Variants in MUC6 observed in about 807,000 individuals in gnomAD.
MUC6 encodes mucin-6.
In MUC6, 188 loss-of-function variants were observed where a neutral mutation model predicts 201.5. That is an observed-to-expected ratio of 0.93 (90% CI 0.83 to 1.05). The LOEUF (loss-of-function observed/expected upper bound fraction) is 1.05. MUC6 is among the 50% of genes least tolerant of loss of function. The probability of loss-of-function intolerance (pLI) is 0.00; values close to 1 mark genes in which losing one functional copy is unlikely to be tolerated. For synonymous variants in MUC6, 1,228 were observed against 1,389.4 expected (o/e 0.88, Z 2.58); for missense variants, 2,706 against 3,256.9 (o/e 0.83, Z 4.12).
chr11:1,025,828 G>A lies in MUC6; in HGVS notation c.2776C>T (p.Arg926Trp), dbSNP rs764252938. ...ICGNSGVTCS[R>W]AIKIFLGGLS... ...ACCCCCAGGAAGATCTTGATGGCCC[G>A]TGAGCATGTGACCCCGGAGTTCCCA... The change falls in exon 22 of 33, where the codon CGG becomes TGG. Residue 926 changes from arginine (R) to tryptophan (W), a missense_variant. Coordinates refer to ENST00000421673, the MANE Select transcript of MUC6 (RefSeq NM_005961.3). 5.6e-6 allele frequency: 9 copies of A among 1,612,530 alleles called. No individual in the cohort carries two copies. Among genetic ancestry groups the A allele is most frequent in the East Asian group, 2.2e-5 (1 of 44,870 alleles).
intron 25 of MUC6, 139 bp downstream of exon 25, chr11:1,023,807 AG>A (rs1856882790): frequency 7.0e-7 from 1 of 1,437,198 alleles, no homozygotes; most frequent in Non-Finnish European, 9.3e-7. Context: ...GGGCTGCGGG[AG>A]GGCCAGGGTG....
intron 2 of MUC6, 113 bp from the exon 3 acceptor site, chr11:1,032,166 G>A: frequency 7.1e-7 from 1 of 1,412,616 alleles, no homozygotes; most frequent in South Asian, 1.4e-5. Flanking sequence ...TTGAGTTGGG[G>A]CCAGGCTGTG....
intron 8 of MUC6, 70 bp from the exon 9 acceptor site, chr11:1,029,685 G>A: frequency 6.7e-7 from 1 of 1,494,384 alleles, no homozygotes; most frequent in Non-Finnish European, 8.9e-7. Context: ...CCTGGCTCCA[G>A]GGAGACGCCC....
chr11:1,031,409 G>T, intron 4 of MUC6, 150 bp from the exon 5 acceptor site: 1 of 1,175,000 alleles, frequency 8.5e-7, no homozygotes, highest in Non-Finnish European at 1.2e-6. Flanking sequence ...ATTTTCCAGT[G>T]GAGAAGCCGA....
rs1436112636 is a variant in MUC6 at position 1,013,605 on chromosome 11, C to T, written c.7171G>A (p.Ala2391Thr). 3.2e-6 allele frequency: 5 copies of T among 1,565,356 alleles called. No homozygotes were observed. In the African/African-American group the frequency reaches 6.8e-5, roughly 21 times the overall value. Residue 2391 changes from alanine (A) to threonine (T), a missense_variant, in exon 33 of 33, where the codon GCC (alanine) becomes ACC (threonine). Around this residue, in one of 10 missense-constraint regions of MUC6, gnomAD observed 586 missense variants for 488.0 expected, o/e 1.20. Coordinates refer to ENST00000421673, the MANE Select transcript of MUC6 (RefSeq NM_005961.3). ...SFNIITQQVD[A>T]RCSCCRPLHS... ...AGGGGGCGGCAGCAGCTGCAGCGGG[C>T]ATCCACCTGCTGGGTGATGATGTTG...
chr11:1,026,310 G>A lies in MUC6; in HGVS notation c.2546+17C>T. 6.4e-7 allele frequency: 1 copy of A among 1,562,128 alleles called. No individual in the cohort carries two copies. Among genetic ancestry groups the A allele is most frequent in the South Asian group, 1.2e-5 (1 of 84,714 alleles). On this transcript the variant is annotated intron_variant, in intron 20 of 32. Transcript: ENST00000421673. ...GCCCCAGGAGCCCAGGGCGTCTGAA[G>A]CGAGGCTTTGTCTCACCAGGTCCTG...
chr11:1,020,767 C>T (rs1856788833), intron 27 of MUC6, 33 bp from the exon 28 acceptor site: 1 of 1,608,412 alleles, frequency 6.2e-7, no homozygotes, highest in Admixed American at 1.7e-5. Context: ...CCCTGTGGTT[C>T]TCTAAGCCTC....
rs1241543988 is a variant in MUC6 at position 1,031,737 on chromosome 11, T to A, written c.357-4A>T. The A allele has an allele frequency of 6.5e-7, 1 of 1,550,306 alleles. No individual in the cohort carries two copies. Among genetic ancestry groups the A allele is most frequent in the African/African-American group, 1.4e-5 (1 of 73,158 alleles). ...GGTATAGGGCAGGCTGATGACCCTG[T>A]GGGGCAAGGGAAGTCGGTGGTCGAT... On this transcript the variant is annotated splice_polypyrimidine_tract_variant and splice_region_variant and intron_variant, in intron 3 of 32. Coordinates refer to ENST00000421673, the MANE Select transcript of MUC6 (RefSeq NM_005961.3).
Position 1,028,223 on chromosome 11 carries a change from C to CA in MUC6, c.1753+2dup, listed in dbSNP as rs1857012419. The CA allele has an allele frequency of 2.6e-6, 4 of 1,566,340 alleles. No individual in the cohort carries two copies. Among genetic ancestry groups the CA allele is most frequent in the Non-Finnish European group, 3.5e-6 (4 of 1,155,848 alleles). On this transcript the variant is annotated splice_region_variant and intron_variant, in intron 14 of 32. Transcript: ENST00000421673. ...CCAGGGGAGTGGGGGGCCGGACACT[C>CA]ACTGTTGAGCTGGCTCATGGAGCAG...
chr11:1,027,369 G>T lies in MUC6; in HGVS notation c.2130C>A (p.Asn710Lys). The T allele has an allele frequency of 6.2e-7, 1 of 1,612,966 alleles. No individual in the cohort carries two copies. Among genetic ancestry groups the T allele is most frequent in the Non-Finnish European group, 8.5e-7 (1 of 1,179,844 alleles). ...CCTTGCGCACACACTCGCCCTTTTGGTTCAGGTAGGTGCCATCGGGGCAGT... is the reference window on the plus strand; with the variant it reads ...CCTTGCGCACACACTCGCCCTTTTGTTTCAGGTAGGTGCCATCGGGGCAGT... Reference protein sequence around the residue: ...GCNCPDGTYLNQKGECVRKAQ... With the variant: ...GCNCPDGTYLKQKGECVRKAQ... The change falls in exon 17 of 33, where the codon AAC (asparagine) becomes AAA (lysine). Residue 710 changes from asparagine to lysine, a missense_variant. By Grantham distance (94) the Asn-to-Lys change is moderately conservative. Coordinates refer to ENST00000421673, the MANE Select transcript of MUC6 (RefSeq NM_005961.3).
In MUC6 at chr11:1,018,572, G is replaced by A. The variant is rs765645395; in HGVS notation, c.4229C>T (p.Pro1410Leu). 1.4e-5 allele frequency: 23 copies of A among 1,613,340 alleles called. No homozygotes were observed. Among genetic ancestry groups the A allele is most frequent in the African/African-American group, 5.3e-5 (4 of 74,810 alleles). Residue 1410 changes from proline to leucine, a missense_variant, in exon 31 of 33, where the codon CCT (proline) becomes CTT (leucine). Physicochemically the swap from Pro to Leu is moderately conservative, Grantham distance 98. Transcript: ENST00000421673. ...PQTPHTTHSP[P>L]TAGSPVPSTG... ...GGAAGGGACGGGACTCCCCGCCGTA[G>A]GCGGGGAGTGTGTGGTGTGTGGGGT...
Position 1,023,081 on chromosome 11 carries a change from AGTGT to A in MUC6, c.3526+424_3526+427del, listed in dbSNP as rs746703315. Among the ~76,000 whole-genome samples, 36 of 149,896 alleles carry A rather than the reference AGTGT, an allele frequency of 2.4e-4. No individual in the cohort carries two copies. The South Asian group carries it at 2.5e-3, about 11-fold the overall frequency. On this transcript the variant is annotated intron_variant, in intron 26 of 32. Transcript: ENST00000421673. ...TGAATGAGCGTGAATATGTTGAATG[AGTGT>A]GTGTGGGTGAATGAATGGATGAATG... is the stretch of plus-strand genomic sequence containing the variant.
In MUC6 at chr11:1,020,730, C is replaced by T. The variant is rs373111391; in HGVS notation, c.3594G>A (p.Pro1198=). ...TGGTGGGTGGCTGCGGCGTGGTGGG[C>T]GGCACTGCAAGAAGATGGGGTCAGC... The part of the protein sequence containing the change: ...HEEGVCVPCM[P]PTTPQPPTTP... Residue 1198 remains proline (P), a synonymous_variant, in exon 28 of 33, where the codon CCG becomes CCA. Coordinates refer to ENST00000421673, the MANE Select transcript of MUC6 (RefSeq NM_005961.3). 91 of 1,612,504 alleles carry T rather than the reference C, an allele frequency of 5.6e-5. No homozygotes were observed. Among genetic ancestry groups the T allele is most frequent in the Non-Finnish European group, 7.3e-5 (86 of 1,179,754 alleles).
At chr11:1,021,410 G>T in intron 26 of MUC6, 133 bp from the exon 27 acceptor site, 2 of 504,516 alleles carry the variant, frequency 4.0e-6, no homozygotes, top group East Asian at 3.6e-5. Context: ...TCGCTCTGTC[G>T]CCCAGGCTGG....
At chr11:1,032,906 T>C (rs902634177) in intron 2 of MUC6, 107 bp downstream of exon 2, 6 of 904,556 alleles carry the variant, frequency 6.6e-6, no homozygotes, top group South Asian at 5.1e-5. Context: ...CATATATGTG[T>C]GTTGGATGTG....
chr11:1,034,515 A>T (rs1371903359), intron 1 of MUC6, among the ~76,000 whole-genome samples: 2 of 151,908 alleles, frequency 1.3e-5, no homozygotes, highest in East Asian at 3.9e-4. Context: ...AGCACACCGA[A>T]CCCTCAGCCA....
chr11:1,022,458 T>C (rs1438289281), intron 26 of MUC6, among the ~76,000 whole-genome samples: 1 of 152,220 alleles, frequency 6.6e-6, no homozygotes, highest in Non-Finnish European at 1.5e-5. Context: ...CTGGACACTT[T>C]CCTGGCTCCC....
rs763175953 is a variant in MUC6, at chr11:1,028,658, C to T, written c.1579G>A (p.Gly527Ser). ...GGCAGGGACTCACCTCTGGTCTGAC[C>T]TCTGAACTGGGGCCCAACAGTGACA... is the stretch of plus-strand genomic sequence containing the variant. ...AYVTVGPQFRGQTRGLCGNFN... is the reference protein window; with the variant it reads ...AYVTVGPQFRSQTRGLCGNFN... The change falls in exon 13 of 33, where the codon GGT (glycine) becomes AGT (serine). Residue 527 changes from glycine to serine, a missense_variant. This residue lies in a region of MUC6 where 1,850 missense variants were observed against 1,958.3 expected (regional missense o/e 0.94). Transcript: ENST00000421673. 8.9e-5 allele frequency: 143 copies of T among 1,608,926 alleles called. 1 individual carries two copies. The highest frequency in any genetic ancestry group is 1.1e-4 in the Non-Finnish European group (135 of 1,178,366).
intron 15 of MUC6, 31 bp from the exon 16 acceptor site, chr11:1,027,848 GCA>G: frequency 6.2e-7 from 1 of 1,604,162 alleles, no homozygotes. Flanking sequence ...TGGGCTGGTG[GCA>G]GGCACCCTGC....
Sources: gnomAD v4.1 joint callset for allele counts (sites outside exome capture counted in the v4.1 genomes callset) on GRCh38, gnomAD v4.1.1 for gene constraint, gnomAD v4.1.1 regional missense constraint, MANE v1.5 for transcripts, NCBI Gene and HGNC (gene_info 2026-07-23, HGNC 2026-07-21) for gene names.